Variants in NEDD9 observed in about 807,000 individuals in gnomAD.
NEDD9 encodes the protein neural precursor cell expressed, developmentally down-regulated 9.
NEDD9 carries 26 observed loss-of-function variants against 76.6 expected under a neutral mutation model. The ratio of observed to expected loss-of-function variants is 0.34; its 90% CI spans 0.25 to 0.47. NEDD9 has a LOEUF of 0.47. Among genes scored for constraint, NEDD9 ranks in the 20% least tolerant of loss-of-function variants. The pLI is 1.00. For synonymous variants in NEDD9, 392 were observed against 414.2 expected (o/e 0.95, Z 0.65); for missense variants, 937 against 1,058.5 (o/e 0.89, Z 1.59).
At chr6:11,255,711 G>A (rs755685882) in intron 3 of NEDD9, among the ~76,000 whole-genome samples, 16 of 152,086 alleles carry the variant, frequency 1.1e-4, no homozygotes, top group Non-Finnish European at 2.1e-4. Flanking sequence ...AGCCATGCGA[G>A]GCCTTTTGAG....
intron 3 of NEDD9, among the ~76,000 whole-genome samples, chr6:11,287,982 G>A (rs1010597702): frequency 5.9e-5 from 9 of 152,188 alleles, no homozygotes; most frequent in African/African-American, 9.7e-5. Flanking sequence ...GTGGGGTCCC[G>A]GGTACAGTTG....
intron 2 of NEDD9, among the ~76,000 whole-genome samples, chr6:11,317,119 C>G (rs981021354): frequency 6.6e-6 from 1 of 152,146 alleles, no homozygotes; most frequent in African/African-American, 2.4e-5. Flanking sequence ...CTTATAACAT[C>G]TGCCAGACAG....
chr6:11,196,922 T>C (rs1338033719), intron 2 of NEDD9, among the ~76,000 whole-genome samples: 2 of 152,142 alleles, frequency 1.3e-5, no homozygotes, highest in Non-Finnish European at 2.9e-5. Context: ...TTCATGCCAA[T>C]TGTGTGTCCT....
At chr6:11,193,846 A>T (rs1322832517) in intron 2 of NEDD9, among the ~76,000 whole-genome samples, 154 bp from the exon 3 acceptor site, 2 of 150,732 alleles carry the variant, frequency 1.3e-5, no homozygotes, top group Non-Finnish European at 3.0e-5. Context: ...ACAAGTAGAC[A>T]CCACGTTAGT....
chr6:11,200,205 C>G (rs866314233), intron 2 of NEDD9: 2 of 428,984 alleles, frequency 4.7e-6, no homozygotes, highest in African/African-American at 2.0e-5. Flanking sequence ...CCCAAACCAC[C>G]CCCGACTTTG....
intron 3 of NEDD9, among the ~76,000 whole-genome samples, chr6:11,259,981 A>G (rs1341411580): frequency 1.5e-5 from 1 of 65,678 alleles, no homozygotes; most frequent in South Asian, 6.2e-4. Flanking sequence ...CCACCACAGA[A>G]ACAAAGATCC....
chr6:11,238,412 CAT>C lies in NEDD9; in HGVS notation c.13-24687_13-24686del, dbSNP rs765578461. Among the ~76,000 whole-genome samples the C allele has an allele frequency of 2.6e-4, 39 of 152,336 alleles. 2 individuals are homozygous for C. Among genetic ancestry groups the C allele is most frequent in the Middle Eastern group, 6.8e-3 (2 of 294 alleles). ...ATTAATGCACTTCGTTATCTGAGCA[CAT>C]GTTTGTCCGCTCAATAAGGTCGAGT... is the stretch of plus-strand genomic sequence containing the variant. On this transcript the variant is annotated intron_variant, in intron 3 of 3. Transcript: ENST00000397378.
intron 1 of NEDD9, among the ~76,000 whole-genome samples, chr6:11,349,041 T>C (rs1330441164): frequency 6.6e-6 from 1 of 152,180 alleles, no homozygotes; most frequent in African/African-American, 2.4e-5. Context: ...ATCTGTCTAA[T>C]ATCCAGAACC....
intron 1 of NEDD9, among the ~76,000 whole-genome samples, chr6:11,220,520 T>C (rs1460796909): frequency 6.6e-6 from 1 of 152,362 alleles, no homozygotes; most frequent in African/African-American, 2.4e-5. Flanking sequence ...CTGGATGTGC[T>C]GTGGGGCAGC....
At chr6:11,210,947 G>A (rs926828300) in intron 2 of NEDD9, among the ~76,000 whole-genome samples, 3 of 152,104 alleles carry the variant, frequency 2.0e-5, no homozygotes, top group Non-Finnish European at 4.4e-5. Flanking sequence ...GGCAGGGAAG[G>A]TGCCAGGGCC....
chr6:11,205,613 C>T (rs893517293), intron 2 of NEDD9, among the ~76,000 whole-genome samples: 2 of 151,960 alleles, frequency 1.3e-5, no homozygotes, highest in South Asian at 4.2e-4. Flanking sequence ...TCAAATGTTA[C>T]TGGAGTTACA....
chr6:11,363,808 G>C (rs1023633846), intron 1 of NEDD9, among the ~76,000 whole-genome samples: 1 of 74,778 alleles, frequency 1.3e-5, no homozygotes, highest in Admixed American at 1.2e-4. Flanking sequence ...CTAAACCTGA[G>C]TATTTTTTTT....
In NEDD9 at chr6:11,333,533, C is replaced by T. The variant is rs75289714; in HGVS notation, c.-153+968G>A. ...GGAAAGACTGAGCAGAGGAAGTGCT[C>T]GGACAGGCATGCCCTCCCAGAATGC... On this transcript the variant is annotated intron_variant, in intron 2 of 3. Transcript: ENST00000397378. 6.1e-3 allele frequency among the ~76,000 whole-genome samples: 927 copies of T among 152,326 alleles called. 35 individuals are homozygous for T. In the East Asian group the frequency reaches 0.12, roughly 20 times the overall value.
chr6:11,308,655 C>T (rs150711572), intron 2 of NEDD9, among the ~76,000 whole-genome samples: 10,908 of 152,054 alleles, frequency 0.072, 532 homozygotes, highest in Admixed American at 0.16. Context: ...AGGCGTGAGC[C>T]ACCGCGCCCG....
Position 11,252,394 on chromosome 6 carries a change from C to T in NEDD9, c.13-38667G>A, listed in dbSNP as rs1049747259. Among the ~76,000 whole-genome samples the T allele has an allele frequency of 3.9e-5, 6 of 152,176 alleles. No homozygotes were observed. The highest frequency in any genetic ancestry group is 3.8e-4 in the East Asian group (2 of 5,208). On this transcript the variant is annotated intron_variant, in intron 3 of 3. Coordinates refer to the NEDD9 transcript ENST00000397378. The surrounding 1 kb of genome is among the most constrained non-coding windows in gnomAD (Gnocchi z 4.3). The stretch of plus-strand genomic sequence containing the variant: ...AATATCGGAACCAGCTCTCACGTCC[C>T]GATTTCACAGTAACTCATGTATTAT...
Position 11,213,717 on chromosome 6 carries a change from G to T in NEDD9, c.23C>A (p.Ala8Glu). The change falls in exon 2 of 7, where the codon GCA (alanine) becomes GAA (glutamate). Residue 8 changes from alanine (A) to glutamate (E), a missense_variant. Transcript: ENST00000379446. This position sits in a 1 kb window ranked among gnomAD's most constrained non-coding sequence, Gnocchi z 5.4. Reference protein sequence around the residue: MKYKNLMARALYDNVPEC... With the variant: MKYKNLMERALYDNVPEC... Reference sequence around the variant, plus strand: ...TGGGACATTGTCATATAAGGCCCTTGCCATAAGATTCTAGGAGGGAAGGAA... The same window carrying T: ...TGGGACATTGTCATATAAGGCCCTTTCCATAAGATTCTAGGAGGGAAGGAA... The T allele has an allele frequency of 6.2e-7, 1 of 1,613,876 alleles. No individual in the cohort carries two copies. Among genetic ancestry groups the T allele is most frequent in the East Asian group, 2.2e-5 (1 of 44,882 alleles).
intron 1 of NEDD9, among the ~76,000 whole-genome samples, chr6:11,366,308 A>G (rs1392617729): frequency 4.3e-4 from 54 of 125,740 alleles, no homozygotes; most frequent in Middle Eastern, 3.9e-3. Flanking sequence ...AGAAAGAAAG[A>G]AAGAGAAAGA....
chr6:11,190,309 CTTG>C lies in NEDD9; in HGVS notation c.1557_1559del (p.Asn519del). On this transcript the variant is annotated inframe_deletion, in exon 5 of 7. Transcript: ENST00000379446. This position sits in a 1 kb window ranked among gnomAD's most constrained non-coding sequence, Gnocchi z 5.8. ...CCAGATCGTCACACTTGTTCTGGGG[CTTG>C]TTGATGGCCAAGATATTCAGGGACC... 1 of 1,614,238 alleles carries C rather than the reference CTTG, an allele frequency of 6.2e-7. No individual in the cohort carries two copies. Among genetic ancestry groups the C allele is most frequent in the Non-Finnish European group, 8.5e-7 (1 of 1,180,054 alleles).
intron 1 of NEDD9, among the ~76,000 whole-genome samples, chr6:11,358,246 C>CAAAAAA (rs35011508): frequency 1.6e-5 from 1 of 61,262 alleles, no homozygotes; most frequent in African/African-American, 7.0e-5. Flanking sequence ...AAGACTCCGT[C>CAAAAAA]AAAAAAAAAA....
Sources: gnomAD v4.1 joint callset for allele counts (sites outside exome capture counted in the v4.1 genomes callset) on GRCh38, gnomAD v4.1.1 for gene constraint, Gnocchi (gnomAD v3.1) non-coding constraint, MANE v1.5 for transcripts, NCBI Gene and HGNC (gene_info 2026-07-23, HGNC 2026-07-21) for gene names.